MYH9: variants seen among roughly 807,000 people sequenced by gnomAD.
MYH9 encodes myosin-9.
In MYH9, 29 loss-of-function variants were observed where a neutral mutation model predicts 241.9. That is an observed-to-expected ratio of 0.12 (90% CI 0.09 to 0.16). MYH9 has a LOEUF of 0.16. Among genes scored for constraint, MYH9 ranks in the 10% least tolerant of loss-of-function variants. MYH9 has a pLI of 1.00. For missense variants in MYH9, 1,803 were observed against 2,595.5 expected, an observed-to-expected ratio of 0.69 and a Z score of 6.63; for synonymous variants, 1,047 against 1,062.6, an observed-to-expected ratio of 0.99 and a Z score of 0.29.
At chr22:36,307,882 C>CT (rs1354709223) in intron 15 of MYH9, among the ~76,000 whole-genome samples, 1 of 149,022 alleles carries the variant, frequency 6.7e-6, no homozygotes, top group Non-Finnish European at 1.5e-5. Context: ...GAACAAAACT[C>CT]TGTCTCAAAA....
intron 35 of MYH9, among the ~76,000 whole-genome samples, chr22:36,286,376 G>C (rs1370862930): frequency 6.6e-6 from 1 of 152,128 alleles, no homozygotes; most frequent in Non-Finnish European, 1.5e-5. Flanking sequence ...CTCCAGACCT[G>C]GGAAACACTT....
chr22:36,357,279 A>G (rs2017871106), intron 1 of MYH9, among the ~76,000 whole-genome samples: 1 of 152,182 alleles, frequency 6.6e-6, no homozygotes, highest in African/African-American at 2.4e-5. Context: ...GAATATTGGC[A>G]GGGAAGGGAA....
At chr22:36,369,940 G>C (rs950918552) in intron 1 of MYH9, among the ~76,000 whole-genome samples, 1 of 152,166 alleles carries the variant, frequency 6.6e-6, no homozygotes, top group Non-Finnish European at 1.5e-5. Context: ...GGGATTGAGA[G>C]ACTTTTGTTG....
intron 20 of MYH9, 77 bp from the exon 21 acceptor site, chr22:36,301,742 C>T: frequency 1.3e-6 from 2 of 1,584,012 alleles, no homozygotes; most frequent in Non-Finnish European, 1.7e-6. Flanking sequence ...AGGCCTCTCC[C>T]TCACCTCTGG....
chr22:36,376,420 G>C (rs1267322767), intron 1 of MYH9, among the ~76,000 whole-genome samples: 1 of 152,024 alleles, frequency 6.6e-6, no homozygotes, highest in Non-Finnish European at 1.5e-5. Context: ...TCCTGACTCA[G>C]GGTAGCATGG....
At chr22:36,344,220 C>T (rs999605132) in intron 2 of MYH9, among the ~76,000 whole-genome samples, 2 of 152,256 alleles carry the variant, frequency 1.3e-5, no homozygotes, top group African/African-American at 2.4e-5. Context: ...CGGCTTCGCG[C>T]CCACGCGGCG....
intron 2 of MYH9, among the ~76,000 whole-genome samples, chr22:36,343,180 C>T (rs2017616292): frequency 1.3e-5 from 2 of 152,070 alleles, no homozygotes; most frequent in Non-Finnish European, 2.9e-5. Flanking sequence ...AGGGAATTTC[C>T]AAGCAGCAAT....
intron 15 of MYH9, chr22:36,308,723 C>G (rs1198855081): frequency 6.9e-6 from 4 of 581,212 alleles, no homozygotes; most frequent in South Asian, 8.0e-5. Context: ...CAAGGGGGGG[C>G]GCGAGAAAAC....
At chr22:36,368,742 T>A (rs889248312) in intron 1 of MYH9, among the ~76,000 whole-genome samples, 2 of 152,050 alleles carry the variant, frequency 1.3e-5, no homozygotes, top group African/African-American at 4.8e-5. Flanking sequence ...AGGAATTTAA[T>A]AAGCCTGGAG....
At chr22:36,377,384 A>G (rs977648750) in intron 1 of MYH9, among the ~76,000 whole-genome samples, 25 of 152,182 alleles carry the variant, frequency 1.6e-4, no homozygotes, top group African/African-American at 5.3e-4. Flanking sequence ...AACTCTAAAT[A>G]AAGGTGCCTC....
At chr22:36,367,252 A>G (rs1263147460) in intron 1 of MYH9, among the ~76,000 whole-genome samples, 1 of 152,152 alleles carries the variant, frequency 6.6e-6, no homozygotes, top group African/African-American at 2.4e-5. Context: ...AGAATAACCC[A>G]ATAGCAAGAG....
Position 36,306,043 on chromosome 22 carries a change from C to T in MYH9, c.2046G>A (p.Lys682=). ...GGTCCAGCACGAGATGCGGGTCCAG[C>T]TTGCCGGCCTGGAGAAGAAAACACA... The part of the protein sequence containing the change: ...IIPNHEKKAG[K]LDPHLVLDQL... The change falls in exon 17 of 41, where the codon AAG becomes AAA. Residue 682 remains lysine, a synonymous_variant. Transcript: ENST00000216181. This position sits in a 1 kb window ranked among gnomAD's most constrained non-coding sequence, Gnocchi z 4.1. The T allele has an allele frequency of 6.2e-7, 1 of 1,613,208 alleles. No individual in the cohort carries two copies. Among genetic ancestry groups the T allele is most frequent in the Non-Finnish European group, 8.5e-7 (1 of 1,180,022 alleles).
In MYH9 at chr22:36,329,617, A is replaced by G. The variant is rs2017391214; in HGVS notation, c.491-2129T>C. 6.6e-6 allele frequency among the ~76,000 whole-genome samples: 1 copy of G among 152,192 alleles called. No individual in the cohort carries two copies. The highest frequency in any genetic ancestry group is 2.4e-5 in the African/African-American group (1 of 41,438). On this transcript the variant is annotated intron_variant, in intron 3 of 40. Transcript: ENST00000216181. The surrounding 1 kb of genome is among the most constrained non-coding windows in gnomAD (Gnocchi z 4.1). The stretch of plus-strand genomic sequence containing the variant: ...AACGGCCCAATGCTACCATAAAAGG[A>G]AACATTCCCCAACCCTTCCAGAGGA...
chr22:36,367,380 C>T (rs1350459469), intron 1 of MYH9, among the ~76,000 whole-genome samples: 2 of 152,122 alleles, frequency 1.3e-5, no homozygotes, highest in Non-Finnish European at 2.9e-5. Context: ...CATTTCCATC[C>T]CTTGCTCCGG....
In MYH9 at chr22:36,349,134, G is replaced by A. The variant is rs2017727606; in HGVS notation, c.103C>T (p.Pro35Ser). The change falls in exon 2 of 41, where the codon CCT becomes TCT. Residue 35 changes from proline (P) to serine (S), a missense_variant. Around this residue, in one of 11 missense-constraint regions of MYH9, gnomAD observed 75 missense variants for 79.1 expected, o/e 0.95. Transcript: ENST00000216181. ...GGCTCAAAGCCACTCTTGTCGGAAG[G>A]CACCCATACCAGCTTCTTGGCAGCC... ...DWAAKKLVWV[P>S]SDKSGFEPAS... The A allele has an allele frequency of 8.1e-6, 13 of 1,614,146 alleles. No individual in the cohort carries two copies. Among genetic ancestry groups the A allele is most frequent in the Non-Finnish European group, 1.1e-5 (13 of 1,179,978 alleles).
intron 3 of MYH9, among the ~76,000 whole-genome samples, chr22:36,336,410 T>C (rs1278709240): frequency 6.6e-6 from 1 of 152,212 alleles, no homozygotes; most frequent in Non-Finnish European, 1.5e-5. Context: ...ACCTGAACTT[T>C]ACAGCAGACC....
Position 36,288,976 on chromosome 22 carries a change from C to T in MYH9, c.4558-37G>A. The T allele has an allele frequency of 6.8e-6, 11 of 1,613,328 alleles. No individual in the cohort carries two copies. The highest frequency in any genetic ancestry group is 9.3e-6 in the Non-Finnish European group (11 of 1,179,956). On this transcript the variant is annotated intron_variant, in intron 32 of 40. Transcript: ENST00000216181. This position sits in a 1 kb window ranked among gnomAD's most constrained non-coding sequence, Gnocchi z 4.8. Reference sequence around the variant, plus strand: ...AGAGCCCAAGTCAGGAGCAAAGGGACTGGCAGGTACCTGGGTCTGCGCGAC... The same window carrying T: ...AGAGCCCAAGTCAGGAGCAAAGGGATTGGCAGGTACCTGGGTCTGCGCGAC...
chr22:36,377,526 G>T (rs757434878), intron 1 of MYH9, among the ~76,000 whole-genome samples: 1 of 151,914 alleles, frequency 6.6e-6, no homozygotes, highest in African/African-American at 2.4e-5. Context: ...CATCAATGCC[G>T]GGGGCGAGTT....
intron 1 of MYH9, among the ~76,000 whole-genome samples, chr22:36,355,149 C>T (rs535428296): frequency 8.5e-5 from 13 of 152,214 alleles, no homozygotes; most frequent in South Asian, 2.1e-4. Flanking sequence ...TCCTTCCCGC[C>T]GGCTTCCTGC....
Sources: allele counts gnomAD v4.1 joint callset (sites outside exome capture counted in the v4.1 genomes callset), GRCh38; gene constraint gnomAD v4.1.1; regional missense constraint gnomAD v4.1.1; non-coding constraint Gnocchi (gnomAD v3.1); transcripts MANE v1.5; gene names NCBI Gene and HGNC (gene_info 2026-07-23, HGNC 2026-07-21).